The following PRKAB2 variants were observed in gnomAD, a reference collection of about 807,000 sequenced individuals.
The protein encoded by PRKAB2 is 5'-AMP-activated protein kinase subunit beta-2.
A neutral mutation model predicts 29.8 loss-of-function variants in PRKAB2; 18 were observed. The ratio of observed to expected loss-of-function variants is 0.60; its 90% confidence interval spans 0.42 to 0.89. The LOEUF (loss-of-function observed/expected upper bound fraction) is 0.89, where lower values mean the gene tolerates loss of function less well. Among genes scored for constraint, PRKAB2 ranks in the 40% least tolerant of loss-of-function variants. The pLI is 0.00. For synonymous variants in PRKAB2, 136 were observed against 125.9 expected (o/e 1.08, Z -0.54); for missense variants, 270 against 344.3 (o/e 0.78, Z 1.71).
At position 147,167,946 on chromosome 1, in the gene PRKAB2, G is replaced by A. The variant is rs782118212; in HGVS notation, c.157-13C>T. On this transcript the variant is annotated splice_polypyrimidine_tract_variant and intron_variant, in intron 2 of 7. Transcript: ENST00000254101. Reference sequence around the variant, plus strand: ...TGTCCCCAGGGAGCTGTAAGAAGGAGTAGGTCATCCCTAGAATAAACTGTG... The same window carrying A: ...TGTCCCCAGGGAGCTGTAAGAAGGAATAGGTCATCCCTAGAATAAACTGTG... 2.5e-6 allele frequency: 4 copies of A among 1,607,386 alleles called. No homozygotes were observed. In the South Asian group the frequency reaches 3.3e-5, roughly 13 times the overall value.
intron 7 of PRKAB2, among the ~76,000 whole-genome samples, chr1:147,160,082 G>A (rs587603678): frequency 6.6e-6 from 1 of 152,122 alleles, no homozygotes; most frequent in South Asian, 2.1e-4. Flanking sequence ...AGACAATGAG[G>A]AAAAAAAGAA....
rs1405560941 is a variant in PRKAB2, at chr1:147,162,719, G to A, written c.539-146C>T. On this transcript the variant is annotated intron_variant, in intron 5 of 7. Coordinates refer to ENST00000254101, the MANE Select transcript of PRKAB2 (RefSeq NM_005399.5). ...TGACCTGTGGGATCTACAGCTGTAA[G>A]GTAACCAGAGGAAAAATCTGAGTCC... 4 of 800,324 alleles carry A rather than the reference G, an allele frequency of 5.0e-6. No homozygotes were observed. In the African/African-American group the frequency reaches 7.1e-5, roughly 14 times the overall value. 49.6% of individuals were successfully genotyped at this position (800,324 alleles called of 1,614,324 possible).
At chr1:147,167,508 T>C (rs1357262743) in intron 3 of PRKAB2, among the ~76,000 whole-genome samples, 2 of 152,226 alleles carry the variant, frequency 1.3e-5, no homozygotes, top group African/African-American at 4.8e-5. Context: ...ACAGGACTTG[T>C]ATGACATAGT....
At chr1:147,166,385 C>T in intron 5 of PRKAB2, 113 bp downstream of exon 5, 2 of 1,174,724 alleles carry the variant, frequency 1.7e-6, no homozygotes, top group Non-Finnish European at 2.3e-6. Context: ...CTCTCTCCTC[C>T]CCCCAACCCC....
chr1:147,168,960 T>C (rs587717213), intron 2 of PRKAB2, among the ~76,000 whole-genome samples: 82 of 152,296 alleles, frequency 5.4e-4, no homozygotes, highest in African/African-American at 1.8e-3. Context: ...TGAACCAACA[T>C]ACCTGCCTTG....
chr1:147,170,610 G>C (rs1654477767), intron 2 of PRKAB2, among the ~76,000 whole-genome samples: 1 of 146,332 alleles, frequency 6.8e-6, no homozygotes. Context: ...TTTGTTTTGA[G>C]AGTCTGTCAC....
In PRKAB2 at chr1:147,167,790, G is replaced by A. The variant is rs782793425; in HGVS notation, c.300C>T (p.Ser100=). 1.2e-6 allele frequency: 2 copies of A among 1,613,900 alleles called. No individual in the cohort carries two copies. Among genetic ancestry groups the A allele is most frequent in the East Asian group, 2.2e-5 (1 of 44,878 alleles). The change falls in exon 3 of 8, where the codon AGC becomes AGT. Residue 100 remains serine (S), a synonymous_variant. Transcript: ENST00000254101. The part of the protein sequence containing the change: ...VFISGSFNNW[S]TKIPLIKSHN... The stretch of plus-strand genomic sequence containing the variant: ...ACCTCTTAATCAGTGGAATCTTGGT[G>A]CTCCAATTGTTGAAGGACCCAGAGA...
chr1:147,161,587 T>C, intron 7 of PRKAB2, 125 bp downstream of exon 7: 1 of 789,892 alleles, frequency 1.3e-6, no homozygotes, highest in Non-Finnish European at 2.0e-6. Flanking sequence ...AGTTCTTCTA[T>C]AATTTGATCA....
chr1:147,171,543 T>C (rs895483406), intron 2 of PRKAB2, among the ~76,000 whole-genome samples: 1 of 152,180 alleles, frequency 6.6e-6, no homozygotes, highest in African/African-American at 2.4e-5. Flanking sequence ...ATGATACTGA[T>C]ACATAGAAAT....
Position 147,159,280 on chromosome 1 carries a change from T to G in PRKAB2, c.*285A>C. 1 of 379,242 alleles carries G rather than the reference T, an allele frequency of 2.6e-6. No homozygotes were observed. The highest frequency in any genetic ancestry group is 4.1e-5 in the Admixed American group (1 of 24,176). The allele number at this position is 379,242 out of a possible 1,614,324, so 23.5% of individuals were successfully genotyped here. A position where few individuals can be genotyped will look rare whatever the true frequency, so the allele number is the denominator to read the frequency against. On this transcript the variant is annotated 3_prime_UTR_variant, in exon 8 of 8. Coordinates refer to ENST00000254101, the MANE Select transcript of PRKAB2 (RefSeq NM_005399.5). ...TTCCTGCAGCGCCCCCAAACAGGTCTTGGTGAAAACCCACAGGCAGAAACA... is the reference window on the plus strand; with the variant it reads ...TTCCTGCAGCGCCCCCAAACAGGTCGTGGTGAAAACCCACAGGCAGAAACA...
Position 147,166,901 on chromosome 1 carries a change from C to T in PRKAB2, c.362G>A (p.Gly121Glu). 1 of 1,614,072 alleles carries T rather than the reference C, an allele frequency of 6.2e-7. No homozygotes were observed. Among genetic ancestry groups the T allele is most frequent in the Non-Finnish European group, 8.5e-7 (1 of 1,179,962 alleles). Residue 121 changes from glycine to glutamate, a missense_variant, in exon 4 of 8, where the codon GGA (glycine) becomes GAA (glutamate). Transcript: ENST00000254101. Reference protein sequence around the residue: ...DFVAILDLPEGEHQYKFFVDG... With the variant: ...DFVAILDLPEEEHQYKFFVDG... ...CACAAAGAACTTGTATTGGTGCTCT[C>T]CCTCAGGGAGGTCCAGGATGGCAAC...
At chr1:147,167,639 C>G in intron 3 of PRKAB2, 128 bp downstream of exon 3, 1 of 1,100,278 alleles carries the variant, frequency 9.1e-7, no homozygotes, top group Non-Finnish European at 1.3e-6. Flanking sequence ...ACTAAGTGGC[C>G]GCAGAAAAGG....
At chr1:147,163,041 T>C (rs1357924846) in intron 5 of PRKAB2, among the ~76,000 whole-genome samples, 2 of 150,588 alleles carry the variant, frequency 1.3e-5, no homozygotes, top group Non-Finnish European at 2.9e-5. Flanking sequence ...AACAAGGTTA[T>C]AAACTCCTAA....
rs1273411499 is a variant in PRKAB2, at chr1:147,172,000, G to C, written c.145C>G (p.Pro49Ala). 6.2e-7 allele frequency: 1 copy of C among 1,601,538 alleles called. No homozygotes were observed. The highest frequency in any genetic ancestry group is 8.5e-7 in the Non-Finnish European group (1 of 1,174,892). ...CATGGGACGCTTACCTTGGAGTCAGGGAGGCTGAACACGCTGGGGTCGTCC... is the reference window on the plus strand; with the variant it reads ...CATGGGACGCTTACCTTGGAGTCAGCGAGGCTGAACACGCTGGGGTCGTCC... ...STDDPSVFSL[P>A]DSKLPGDKEF... Residue 49 changes from proline to alanine, a missense_variant, in exon 2 of 8, where the codon CCT becomes GCT. Transcript: ENST00000254101.
chr1:147,165,327 A>G (rs781826764), intron 5 of PRKAB2, among the ~76,000 whole-genome samples: 12 of 152,306 alleles, frequency 7.9e-5, no homozygotes, highest in Non-Finnish European at 1.5e-4. Flanking sequence ...TGCCCAGCCA[A>G]TAATTTCTTT....
rs182875914 is a variant in PRKAB2 at position 147,162,746 on chromosome 1, C to T, written c.539-173G>A. 5.1e-3 allele frequency among the ~76,000 whole-genome samples: 771 copies of T among 152,210 alleles called. 3 individuals carry two copies. Among genetic ancestry groups the T allele is most frequent in the Non-Finnish European group, 5.9e-3 (399 of 68,000 alleles). ...TAACCAGAGGAAAAATCTGAGTCCC[C>T]TGGACATAAACCATGAAGCTCCTCA... On this transcript the variant is annotated intron_variant, in intron 5 of 7. Coordinates refer to ENST00000254101, the MANE Select transcript of PRKAB2 (RefSeq NM_005399.5).
chr1:147,164,048 C>T (rs587690365), intron 5 of PRKAB2, among the ~76,000 whole-genome samples: 1 of 152,184 alleles, frequency 6.6e-6, no homozygotes, highest in South Asian at 2.1e-4. Flanking sequence ...GTGATCCTCC[C>T]ACCTCAGCCT....
At chr1:147,172,313 G>T in intron 1 of PRKAB2, 116 bp downstream of exon 1, 1 of 935,518 alleles carries the variant, frequency 1.1e-6, no homozygotes, top group Non-Finnish European at 1.5e-6. Context: ...CTCCTGGCCT[G>T]CGGGAACGCC....
chr1:147,166,506 G>A lies in PRKAB2; in HGVS notation c.530C>T (p.Ser177Phe). ...AAATAATACAAAATTACCTCTACAA[G>A]ATGTCTCAGAACTTTCCATAGAATC... ...KLDSMESSET[S>F]CRDLSSSPPG... The change falls in exon 5 of 8, where the codon TCT becomes TTT. Residue 177 changes from serine (S) to phenylalanine (F), a missense_variant. By Grantham distance (155) the Ser-to-Phe change is radical. This residue lies in a region of PRKAB2 where 228 missense variants were observed against 255.5 expected (regional missense o/e 0.89). Coordinates refer to ENST00000254101, the MANE Select transcript of PRKAB2 (RefSeq NM_005399.5). 1 of 1,613,218 alleles carries A rather than the reference G, an allele frequency of 6.2e-7. No homozygotes were observed. Among genetic ancestry groups the A allele is most frequent in the Admixed American group, 1.7e-5 (1 of 59,850 alleles).
Sources: gnomAD v4.1 joint callset for allele counts (sites outside exome capture counted in the v4.1 genomes callset) on GRCh38, gnomAD v4.1.1 for gene constraint, gnomAD v4.1.1 regional missense constraint, MANE v1.5 for transcripts, NCBI Gene and HGNC (gene_info 2026-07-23, HGNC 2026-07-21) for gene names.